HLF: variants seen among roughly 807,000 people sequenced by gnomAD.
HLF encodes the protein HLF transcription factor, PAR bZIP family member, also known as hepatic leukemia factor.
In HLF, 3 loss-of-function variants were observed where a neutral mutation model predicts 22.6. The observed-to-expected ratio is 0.13, with a 90% CI of 0.06 to 0.34. HLF has a LOEUF of 0.34. Ranked by LOEUF, HLF falls within the 10% of genes least tolerant of loss-of-function variation. The probability of loss-of-function intolerance (pLI) is 1.00; values close to 1 mark genes in which losing one functional copy is unlikely to be tolerated. For missense variants in HLF, 299 were observed against 389.2 expected (o/e 0.77, Z 1.95); for synonymous variants, 151 against 151.8 (o/e 0.99, Z 0.04).
chr17:55,320,555 G>C lies in HLF; in HGVS notation c.673-109G>C, dbSNP rs944176930. On this transcript the variant is annotated intron_variant, in intron 3 of 3. Coordinates refer to ENST00000226067, the MANE Select transcript of HLF (RefSeq NM_002126.5). The surrounding 1 kb of genome is among the most constrained non-coding windows in gnomAD (Gnocchi z 4.2). ...GAAGGAGACACAAGCTAAGAAACCC[G>C]GGCTGGCACCTCTGCACAATCCTGG... The C allele has an allele frequency of 3.5e-6, 3 of 857,012 alleles. No homozygotes were observed. Among genetic ancestry groups the C allele is most frequent in the Non-Finnish European group, 3.6e-6 (2 of 553,514 alleles). 53.1% of individuals were successfully genotyped at this position (857,012 alleles called of 1,614,324 possible). A position where few individuals can be genotyped will look rare whatever the true frequency, so the allele number is the denominator to read the frequency against.
intron 2 of HLF, among the ~76,000 whole-genome samples, chr17:55,274,142 A>G (rs978677855): frequency 1.3e-5 from 2 of 152,196 alleles, no homozygotes; most frequent in Non-Finnish European, 1.5e-5. Context: ...AAAACCCTTG[A>G]TAACATCCTA....
rs562882749 is a variant in HLF, at chr17:55,295,715, C to G, written c.452-19512C>G. On this transcript the variant is annotated intron_variant, in intron 2 of 3. Transcript: ENST00000226067. The stretch of plus-strand genomic sequence containing the variant: ...TGCCCTATGTCCCGTACCACCTGTT[C>G]TATGCCAAAGGTATGAACAAATTCA... Among the ~76,000 whole-genome samples the G allele has an allele frequency of 7.9e-5, 12 of 152,322 alleles. No individual in the cohort carries two copies. The East Asian group carries it at 1.7e-3, about 22-fold the overall frequency.
At chr17:55,301,201 T>G (rs1477666492) in intron 2 of HLF, among the ~76,000 whole-genome samples, 3 of 152,268 alleles carry the variant, frequency 2.0e-5, no homozygotes, top group Non-Finnish European at 4.4e-5. Context: ...CAAAGCCCTT[T>G]TATAGCACAT....
At chr17:55,316,597 CCA>C (rs1241823156) in intron 3 of HLF, among the ~76,000 whole-genome samples, 3 of 152,196 alleles carry the variant, frequency 2.0e-5, no homozygotes, top group Non-Finnish European at 4.4e-5. Flanking sequence ...TCCAAAATTA[CCA>C]CTTGCAGTTG....
At chr17:55,295,100 TATA>T (rs1302104104) in intron 2 of HLF, among the ~76,000 whole-genome samples, 3 of 152,134 alleles carry the variant, frequency 2.0e-5, no homozygotes, top group African/African-American at 7.2e-5. Flanking sequence ...GGCGAAGAGA[TATA>T]ATTAATTGTG....
At position 55,265,490 on chromosome 17, in the gene HLF, G is replaced by A. The variant is rs1375602517; in HGVS notation, c.6G>A (p.Glu2=). 1.2e-6 allele frequency: 2 copies of A among 1,600,696 alleles called. No homozygotes were observed. The highest frequency in any genetic ancestry group is 1.7e-6 in the Non-Finnish European group (2 of 1,170,302). The part of the protein sequence containing the change: M[E]KMSRPLPLNP... ...AAAAATTTGAGTGCATCGCGATGGA[G>A]AAAATGTCCCGACCGCTCCCCCTGA... Residue 2 remains glutamate, a synonymous_variant, in exon 1 of 4, where the codon GAG becomes GAA. Coordinates refer to ENST00000226067, the MANE Select transcript of HLF (RefSeq NM_002126.5).
At chr17:55,274,504 C>T (rs2080887822) in intron 2 of HLF, among the ~76,000 whole-genome samples, 1 of 152,178 alleles carries the variant, frequency 6.6e-6, no homozygotes, top group African/African-American at 2.4e-5. Flanking sequence ...ACTTAGGTGC[C>T]TCTGTCTCAC....
intron 1 of HLF, chr17:55,266,820 CT>C (rs2080796082): frequency 1.0e-6 from 1 of 984,808 alleles, no homozygotes; most frequent in Non-Finnish European, 1.2e-6. Flanking sequence ...ATCCGGAATG[CT>C]TGTTAAAGAC....
At chr17:55,313,506 A>G (rs1904933660) in intron 2 of HLF, among the ~76,000 whole-genome samples, 1 of 152,118 alleles carries the variant, frequency 6.6e-6, no homozygotes, top group South Asian at 2.1e-4. Context: ...AAGAGGTGTT[A>G]CATGATGATA....
At chr17:55,294,699 T>C (rs974350706) in intron 2 of HLF, among the ~76,000 whole-genome samples, 3 of 152,208 alleles carry the variant, frequency 2.0e-5, no homozygotes, top group African/African-American at 7.2e-5. Flanking sequence ...ATGTTACGGC[T>C]TCCTTCTTCA....
At chr17:55,270,723 C>T (rs934795241) in intron 2 of HLF, among the ~76,000 whole-genome samples, 10 of 145,708 alleles carry the variant, frequency 6.9e-5, no homozygotes, top group Non-Finnish European at 1.5e-4. Context: ...TGCAGTGGCG[C>T]GATCTCAGCT....
chr17:55,320,852 G>A lies in HLF; in HGVS notation c.861G>A (p.Lys287=), dbSNP rs767475432. The stretch of plus-strand genomic sequence containing the variant: ...GCAAATGCAAGAACATACTTGCCAA[G>A]TATGAGGCCAGGCACGGGCCCCTGT... ...ELGKCKNILA[K]YEARHGPL The change falls in exon 4 of 4, where the codon AAG becomes AAA. Residue 287 remains lysine (K), a synonymous_variant. Transcript: ENST00000226067. This position sits in a 1 kb window ranked among gnomAD's most constrained non-coding sequence, Gnocchi z 4.2. 4 of 1,613,240 alleles carry A rather than the reference G, an allele frequency of 2.5e-6. No homozygotes were observed. Among genetic ancestry groups the A allele is most frequent in the Non-Finnish European group, 3.4e-6 (4 of 1,179,806 alleles).
rs569317891 is a variant in HLF, at chr17:55,313,517, G to A, written c.452-1710G>A. 7.9e-5 allele frequency among the ~76,000 whole-genome samples: 12 copies of A among 152,206 alleles called. No homozygotes were observed. The East Asian group carries it at 2.3e-3, about 29-fold the overall frequency. ...TATTAAGAGGTGTTACATGATGATA[G>A]GAGATGGGTGCACATGCCTGTGTAA... On this transcript the variant is annotated intron_variant, in intron 2 of 3. Coordinates refer to ENST00000226067, the MANE Select transcript of HLF (RefSeq NM_002126.5).
At chr17:55,310,769 T>C (rs936842446) in intron 2 of HLF, among the ~76,000 whole-genome samples, 1 of 152,188 alleles carries the variant, frequency 6.6e-6, no homozygotes, top group Non-Finnish European at 1.5e-5. Context: ...TTAGAACTAA[T>C]AAGAAAGTAA....
At chr17:55,271,021 C>T (rs1211738433) in intron 2 of HLF, among the ~76,000 whole-genome samples, 1 of 152,148 alleles carries the variant, frequency 6.6e-6, no homozygotes, top group Admixed American at 6.5e-5. Context: ...AAGTAGGACC[C>T]CCAGTGCCCC....
At chr17:55,266,913 T>G (rs769948075) in intron 1 of HLF, 5 of 503,000 alleles carry the variant, frequency 9.9e-6, no homozygotes, top group Non-Finnish European at 1.3e-5. Context: ...CCTTTTCCAA[T>G]AGCTCTGCTT....
intron 3 of HLF, among the ~76,000 whole-genome samples, chr17:55,318,674 ACT>A (rs1192963311): frequency 4.6e-5 from 7 of 151,818 alleles, no homozygotes; most frequent in African/African-American, 1.7e-4. Context: ...CCGTGTGCAG[ACT>A]CTGATACATC....
intron 3 of HLF, among the ~76,000 whole-genome samples, chr17:55,316,574 A>G (rs1320095821): frequency 1.3e-5 from 2 of 152,252 alleles, no homozygotes; most frequent in African/African-American, 4.8e-5. Context: ...AGGGGACCTT[A>G]GAGATTCATT....
In HLF at chr17:55,324,742, G is replaced by A. The variant is rs961059929; in HGVS notation, c.*3863G>A. On this transcript the variant is annotated 3_prime_UTR_variant, in exon 4 of 4. Transcript: ENST00000226067. ...AAATGAGCAAAGCCTTATCCGAATC[G>A]GATATAGCAACTAAAGTCAATACAT... is the stretch of plus-strand genomic sequence containing the variant. The A allele has an allele frequency of 5.2e-5, 12 of 232,904 alleles. No individual in the cohort carries two copies. The highest frequency in any genetic ancestry group is 7.6e-5 in the Non-Finnish European group (9 of 117,894). The allele number at this position is 232,904 out of a possible 1,614,324, so 14.4% of individuals were successfully genotyped here.
Sources: gnomAD v4.1 joint callset for allele counts (sites outside exome capture counted in the v4.1 genomes callset) on GRCh38, gnomAD v4.1.1 for gene constraint, Gnocchi (gnomAD v3.1) non-coding constraint, MANE v1.5 for transcripts, NCBI Gene and HGNC (gene_info 2026-07-23, HGNC 2026-07-21) for gene names.